The following CEP128 variants were observed in gnomAD, a reference collection of about 807,000 sequenced individuals.
CEP128 encodes centrosomal protein 128, also known as centrosomal protein 128kDa.
A neutral mutation model predicts 156.7 loss-of-function variants in CEP128; 132 were observed. The ratio of observed to expected loss-of-function variants is 0.84; its 90% CI spans 0.73 to 0.97. The LOEUF is 0.97. Among genes scored for constraint, CEP128 ranks in the 50% least tolerant of loss-of-function variants. CEP128 has a pLI of 0.00. For synonymous variants in CEP128, 469 were observed against 448.9 expected, an observed-to-expected ratio of 1.04 and a Z score of -0.57; for missense variants, 1,252 against 1,281.9, an observed-to-expected ratio of 0.98 and a Z score of 0.36.
chr14:80,570,664 C>G (rs1891103427), intron 20 of CEP128, among the ~76,000 whole-genome samples: 1 of 152,090 alleles, frequency 6.6e-6, no homozygotes, highest in Non-Finnish European at 1.5e-5. Context: ...TTCTACTTAA[C>G]AGCCCAGCAA....
At chr14:80,491,927 T>A (rs1887338379), downstream of CEP128, among the ~76,000 whole-genome samples, 2 of 152,196 alleles carry the variant, frequency 1.3e-5, no homozygotes, top group South Asian at 4.1e-4. Context: ...TGTGTTCATA[T>A]CATTTTACAG....
At chr14:80,716,618 T>G (rs575652033) in intron 19 of CEP128, among the ~76,000 whole-genome samples, 1 of 152,378 alleles carries the variant, frequency 6.6e-6, no homozygotes, top group South Asian at 2.1e-4. Context: ...ACTGTATGAC[T>G]ATACCATATT....
At chr14:80,734,450 G>A (rs938990461) in intron 19 of CEP128, among the ~76,000 whole-genome samples, 18 of 151,470 alleles carry the variant, frequency 1.2e-4, no homozygotes, top group Non-Finnish European at 1.6e-4. Flanking sequence ...TTTTTAGGCT[G>A]GATGATAGTA....
At chr14:80,542,772 C>T (rs1229873866) in intron 21 of CEP128, among the ~76,000 whole-genome samples, 3 of 152,142 alleles carry the variant, frequency 2.0e-5, no homozygotes, top group Non-Finnish European at 2.9e-5. Context: ...AGTAGGTAAT[C>T]ACATTTGTCT....
intron 19 of CEP128, among the ~76,000 whole-genome samples, chr14:80,689,073 A>G (rs1367227122): frequency 6.6e-6 from 1 of 152,154 alleles, no homozygotes; most frequent in Non-Finnish European, 1.5e-5. Context: ...TAAGAAATGT[A>G]TCTTTACGGC....
intron 21 of CEP128, among the ~76,000 whole-genome samples, chr14:80,537,580 G>T (rs1889542639): frequency 6.6e-6 from 1 of 152,126 alleles, no homozygotes; most frequent in South Asian, 2.1e-4. Flanking sequence ...AGGGTCTTGA[G>T]ATCTACAATC....
intron 19 of CEP128, among the ~76,000 whole-genome samples, chr14:80,581,098 T>C (rs1891573257): frequency 6.6e-6 from 1 of 152,178 alleles, no homozygotes; most frequent in Admixed American, 6.5e-5. Context: ...TATACAGCCA[T>C]GGTGTCTCAG....
At chr14:80,524,740 G>A (rs2047663547) in intron 23 of CEP128, among the ~76,000 whole-genome samples, 1 of 152,136 alleles carries the variant, frequency 6.6e-6, no homozygotes, top group African/African-American at 2.4e-5. Context: ...TATGGTGATA[G>A]TCAATAAATG....
chr14:80,520,915 C>T (rs12893156), intron 23 of CEP128, among the ~76,000 whole-genome samples: 33,375 of 151,748 alleles, frequency 0.22, 4,729 homozygotes, highest in Admixed American at 0.35. Context: ...CTCTGCCTCC[C>T]AGGTTCACCC....
At chr14:80,676,205 T>C (rs1896053323) in intron 19 of CEP128, among the ~76,000 whole-genome samples, 1 of 152,124 alleles carries the variant, frequency 6.6e-6, no homozygotes, top group Non-Finnish European at 1.5e-5. Context: ...AGATCACCCT[T>C]TATTTACTTT....
chr14:80,698,757 T>C (rs1022003207), intron 19 of CEP128, among the ~76,000 whole-genome samples: 4 of 152,162 alleles, frequency 2.6e-5, no homozygotes, highest in South Asian at 2.1e-4. Context: ...GACCTATCTA[T>C]ATTACCCAAA....
At chr14:80,617,254 G>A (rs1406312527) in intron 19 of CEP128, among the ~76,000 whole-genome samples, 3 of 34,320 alleles carry the variant, frequency 8.7e-5, no homozygotes, top group Admixed American at 4.7e-4. Flanking sequence ...TTTTTGAGAC[G>A]GAGTGTTGCT....
intron 19 of CEP128, among the ~76,000 whole-genome samples, chr14:80,622,390 A>G (rs1031020154): frequency 6.6e-6 from 1 of 151,234 alleles, no homozygotes; most frequent in Non-Finnish European, 1.5e-5. Flanking sequence ...TTCAGGACAT[A>G]GGCATGGGCA....
At chr14:80,571,136 T>A (rs968737915) in intron 20 of CEP128, among the ~76,000 whole-genome samples, 1 of 152,188 alleles carries the variant, frequency 6.6e-6, no homozygotes, top group Non-Finnish European at 1.5e-5. Flanking sequence ...CTTAATTAGC[T>A]GTAATATTGT....
At chr14:80,827,215 T>G (rs555458152) in intron 13 of CEP128, among the ~76,000 whole-genome samples, 2 of 152,288 alleles carry the variant, frequency 1.3e-5, no homozygotes, top group East Asian at 3.9e-4. Context: ...AATGACTAGA[T>G]AGCAAATATT....
At chr14:80,841,719 CTACT>C (rs1555354561) in intron 9 of CEP128, among the ~76,000 whole-genome samples, 16 of 151,918 alleles carry the variant, frequency 1.1e-4, no homozygotes, top group Non-Finnish European at 2.4e-4. Flanking sequence ...CGTCACTCAC[CTACT>C]TAGTGACAGA....
intron 19 of CEP128, among the ~76,000 whole-genome samples, chr14:80,732,302 G>A (rs1227210885): frequency 2.0e-5 from 3 of 152,096 alleles, no homozygotes; most frequent in Non-Finnish European, 2.9e-5. Flanking sequence ...ATGATAAAAA[G>A]GGCTAGAGTT....
chr14:80,734,175 A>G (rs1004100990), intron 19 of CEP128, among the ~76,000 whole-genome samples: 16 of 152,162 alleles, frequency 1.1e-4, no homozygotes, highest in African/African-American at 3.9e-4. Flanking sequence ...TTAGAGCATA[A>G]TCTATACTGC....
In CEP128 at chr14:80,895,860, T is replaced by A. The variant is rs1230040070; in HGVS notation, c.573-70A>T. ...AAATACACAGAACGAGTGAAATGTA[T>A]AACATGATAATTATGTTATTACAAA... On this transcript the variant is annotated intron_variant, in intron 7 of 24. Coordinates refer to ENST00000555265, the MANE Select transcript of CEP128 (RefSeq NM_152446.5). 4.7e-6 allele frequency: 5 copies of A among 1,056,316 alleles called. No homozygotes were observed. The African/African-American group carries it at 8.1e-5, about 17-fold the overall frequency. 65.4% of individuals were successfully genotyped at this position (1,056,316 alleles called of 1,614,324 possible).
Sources: gnomAD v4.1 joint callset for allele counts (sites outside exome capture counted in the v4.1 genomes callset) on GRCh38, gnomAD v4.1.1 for gene constraint, MANE v1.5 for transcripts, NCBI Gene and HGNC (gene_info 2026-07-23, HGNC 2026-07-21) for gene names.